The following PCDHGA6 variants were observed in gnomAD, a reference collection of about 807,000 sequenced individuals.
PCDHGA6 encodes the protein protocadherin gamma subfamily A, 6.
In PCDHGA6, 41 loss-of-function variants were observed where a neutral mutation model predicts 60.6. The observed-to-expected ratio is 0.68, with a 90% CI of 0.53 to 0.88. PCDHGA6 has a LOEUF of 0.88. Among genes scored for constraint, PCDHGA6 ranks in the 40% least tolerant of loss-of-function variants. The probability of loss-of-function intolerance (pLI) is 0.00; values close to 1 mark genes in which losing one functional copy is unlikely to be tolerated. For synonymous variants in PCDHGA6, 594 were observed against 524.4 expected, an observed-to-expected ratio of 1.13 and a Z score of -1.81; for missense variants, 1,312 against 1,203.0, an observed-to-expected ratio of 1.09 and a Z score of -1.34.
chr5:141,509,873 G>C (rs2099878704), intron 3 of PCDHGA6, among the ~76,000 whole-genome samples: 1 of 152,196 alleles, frequency 6.6e-6, no homozygotes, highest in South Asian at 2.1e-4. Flanking sequence ...CAAGCTGCTG[G>C]TGGTGATGGT....
At chr5:141,472,369 G>A (rs1194465676) in intron 1 of PCDHGA6, among the ~76,000 whole-genome samples, 2 of 151,770 alleles carry the variant, frequency 1.3e-5, no homozygotes, top group Admixed American at 6.6e-5. Flanking sequence ...GTGAAACCCC[G>A]TCTCCACTAA....
chr5:141,504,206 A>C (rs1209911822), intron 2 of PCDHGA6, among the ~76,000 whole-genome samples: 1 of 152,218 alleles, frequency 6.6e-6, no homozygotes, highest in East Asian at 1.9e-4. Context: ...CTGTGGGAAA[A>C]TTCCAAGTAG....
rs138463062 is a variant in PCDHGA6 at position 141,485,217 on chromosome 5, C to T, written c.2425-9590C>T. 7,893 of 1,614,092 alleles carry T rather than the reference C, an allele frequency of 4.9e-3. 42 individuals carry two copies. Among genetic ancestry groups the T allele is most frequent in the Admixed American group, 8.8e-3 (531 of 60,030 alleles). On this transcript the variant is annotated intron_variant, in intron 1 of 3. Coordinates refer to ENST00000517434, the MANE Select transcript of PCDHGA6 (RefSeq NM_018919.3). This position sits in a 1 kb window ranked among gnomAD's most constrained non-coding sequence, Gnocchi z 5.7. Reference sequence around the variant, plus strand: ...AGCTGGACAGAAATCTGGCGGTGGGCTACCCTTTTGTTCCTCTTTTACCAC... The same window carrying T: ...AGCTGGACAGAAATCTGGCGGTGGGTTACCCTTTTGTTCCTCTTTTACCAC...
At chr5:141,387,607 AG>A in intron 1 of PCDHGA6, 2 of 547,806 alleles carry the variant, frequency 3.7e-6, no homozygotes, top group Non-Finnish European at 6.4e-6. Context: ...CAGAGGCTGT[AG>A]TTTCCTAGTG....
At chr5:141,496,249 A>G (rs1385823714) in intron 2 of PCDHGA6, among the ~76,000 whole-genome samples, 1 of 152,078 alleles carries the variant, frequency 6.6e-6, no homozygotes, top group East Asian at 1.9e-4. Context: ...GCTGAAGGGG[A>G]GGGAAACTTC....
At chr5:141,471,942 A>G (rs1163887457) in intron 1 of PCDHGA6, among the ~76,000 whole-genome samples, 1 of 152,192 alleles carries the variant, frequency 6.6e-6, no homozygotes, top group Non-Finnish European at 1.5e-5. Flanking sequence ...AGAGTTTTCT[A>G]AAACTGGATT....
At chr5:141,415,318 C>T (rs1324377536) in intron 1 of PCDHGA6, 4 of 1,614,252 alleles carry the variant, frequency 2.5e-6, no homozygotes, top group Admixed American at 1.7e-5. Flanking sequence ...CGTCATCGTG[C>T]TGCTGGCGCA....
At chr5:141,464,556 G>A (rs1158827360) in intron 1 of PCDHGA6, among the ~76,000 whole-genome samples, 4 of 151,990 alleles carry the variant, frequency 2.6e-5, no homozygotes, top group Admixed American at 6.6e-5. Flanking sequence ...TCCCCATCTT[G>A]CATTCCTACA....
Position 141,374,977 on chromosome 5 carries a change from T to C in PCDHGA6, c.894T>C (p.Thr298=). 1.2e-6 allele frequency: 2 copies of C among 1,614,020 alleles called. No homozygotes were observed. Among genetic ancestry groups the C allele is most frequent in the Non-Finnish European group, 1.7e-6 (2 of 1,179,898 alleles). Residue 298 remains threonine, a synonymous_variant, in exon 1 of 4, where the codon ACT becomes ACC. Coordinates refer to ENST00000517434, the MANE Select transcript of PCDHGA6 (RefSeq NM_018919.3). Reference sequence around the variant, plus strand: ...AAATTTTCTGTTTGAATGTTTTGACTGGAGAAATTTCAACTTCTGCAAATC... The same window carrying C: ...AAATTTTCTGTTTGAATGTTTTGACCGGAGAAATTTCAACTTCTGCAAATC... ...ISQIFCLNVL[T]GEISTSANLD...
chr5:141,476,711 G>C lies in PCDHGA6; in HGVS notation c.2425-18096G>C. 1 of 1,614,194 alleles carries C rather than the reference G, an allele frequency of 6.2e-7. No individual in the cohort carries two copies. The highest frequency in any genetic ancestry group is 8.5e-7 in the Non-Finnish European group (1 of 1,180,042). On this transcript the variant is annotated intron_variant, in intron 1 of 3. Coordinates refer to ENST00000517434, the MANE Select transcript of PCDHGA6 (RefSeq NM_018919.3). This position sits in a 1 kb window ranked among gnomAD's most constrained non-coding sequence, Gnocchi z 7.6. ...CACCAAGTACGCGGAGCTGGTGTTG[G>C]AGCGCGCCCTGGACCGAGAACGGGA...
intron 1 of PCDHGA6, among the ~76,000 whole-genome samples, chr5:141,425,159 G>C (rs557552439): frequency 6.6e-6 from 1 of 152,126 alleles, no homozygotes; most frequent in South Asian, 2.1e-4. Context: ...AGCATCTAGG[G>C]ATAGGATTTA....
chr5:141,481,436 T>C (rs775003998), intron 1 of PCDHGA6, among the ~76,000 whole-genome samples: 5 of 152,220 alleles, frequency 3.3e-5, no homozygotes, highest in South Asian at 2.1e-4. Flanking sequence ...ATTGTATCAG[T>C]TTAGTACATG....
At chr5:141,418,674 GCAT>G (rs1401114725) in intron 1 of PCDHGA6, 1 of 1,614,032 alleles carries the variant, frequency 6.2e-7, no homozygotes, top group Non-Finnish European at 8.5e-7. Flanking sequence ...CAGGACGAGG[GCAT>G]CAACTCAGAG....
intron 1 of PCDHGA6, among the ~76,000 whole-genome samples, chr5:141,447,047 T>C (rs529082157): frequency 1.3e-5 from 2 of 152,342 alleles, no homozygotes; most frequent in African/African-American, 4.8e-5. Flanking sequence ...TCTGGAATTC[T>C]ATTAAAATGT....
intron 3 of PCDHGA6, among the ~76,000 whole-genome samples, chr5:141,509,109 G>A (rs893509101): frequency 5.3e-5 from 8 of 152,240 alleles, no homozygotes; most frequent in African/African-American, 1.9e-4. Flanking sequence ...AAACCTGAGC[G>A]CTGGTGCGTG....
At chr5:141,387,473 G>C (rs1032850562) in intron 1 of PCDHGA6, among the ~76,000 whole-genome samples, 2 of 152,190 alleles carry the variant, frequency 1.3e-5, no homozygotes. Context: ...CCTCAAAGTT[G>C]GGATGAAGGC....
rs951964805 is a variant in PCDHGA6, at chr5:141,512,109, C to A, written c.*936C>A. The A allele has an allele frequency of 1.0e-4, 16 of 152,656 alleles. No individual in the cohort carries two copies. The highest frequency in any genetic ancestry group is 1.5e-5 in the Non-Finnish European group (1 of 68,058). 9.5% of individuals were successfully genotyped at this position (152,656 alleles called of 1,614,324 possible). Reference sequence around the variant, plus strand: ...ACCAATAACTAGGCTGGACCCTTCCCACTACATAATAGGGCTCAGCCCAGG... The same window carrying A: ...ACCAATAACTAGGCTGGACCCTTCCAACTACATAATAGGGCTCAGCCCAGG... On this transcript the variant is annotated 3_prime_UTR_variant, in exon 4 of 4. Coordinates refer to ENST00000517434, the MANE Select transcript of PCDHGA6 (RefSeq NM_018919.3).
intron 1 of PCDHGA6, among the ~76,000 whole-genome samples, chr5:141,444,771 T>C (rs987549188): frequency 6.6e-6 from 1 of 152,246 alleles, no homozygotes; most frequent in African/African-American, 2.4e-5. Context: ...TTCTATATTC[T>C]TGATCATGTT....
At chr5:141,399,041 T>A (rs375762745) in intron 1 of PCDHGA6, 150 of 1,613,746 alleles carry the variant, frequency 9.3e-5, no homozygotes, top group Non-Finnish European at 1.2e-4. Context: ...AAACTGGATT[T>A]TGAAGAGACC....
Sources: allele counts gnomAD v4.1 joint callset (sites outside exome capture counted in the v4.1 genomes callset), GRCh38; gene constraint gnomAD v4.1.1; non-coding constraint Gnocchi (gnomAD v3.1); transcripts MANE v1.5; gene names NCBI Gene and HGNC (gene_info 2026-07-23, HGNC 2026-07-21).